The following KCNIP4 variants were observed in gnomAD, a reference collection of about 807,000 sequenced individuals.
KCNIP4 encodes the protein potassium voltage-gated channel interacting protein 4, also known as Kv channel-interacting protein 4.
A neutral mutation model predicts 34.0 loss-of-function variants in KCNIP4; 12 were observed. That is an observed-to-expected ratio of 0.35 (90% CI 0.23 to 0.57). The LOEUF is 0.57. KCNIP4 is among the 20% of genes least tolerant of loss of function. The pLI is 0.83. For missense variants in KCNIP4, 238 were observed against 311.7 expected, an observed-to-expected ratio of 0.76 and a Z score of 1.78; for synonymous variants, 124 against 102.2, an observed-to-expected ratio of 1.21 and a Z score of -1.29.
At chr4:21,860,245 T>C (rs909193388) in intron 1 of KCNIP4, among the ~76,000 whole-genome samples, 1 of 152,140 alleles carries the variant, frequency 6.6e-6, no homozygotes, top group African/African-American at 2.4e-5. Context: ...GCAATTCTTG[T>C]GCCTCAGCCT....
chr4:21,081,482 A>G (rs977805993), intron 1 of KCNIP4, among the ~76,000 whole-genome samples: 4 of 151,742 alleles, frequency 2.6e-5, no homozygotes, highest in African/African-American at 9.7e-5. Flanking sequence ...TAACTTCGGT[A>G]GTATGTTTTA....
chr4:21,801,864 T>C (rs760573474), intron 1 of KCNIP4, among the ~76,000 whole-genome samples: 6 of 150,908 alleles, frequency 4.0e-5, no homozygotes, highest in Non-Finnish European at 8.8e-5. Flanking sequence ...AGTGCCATAA[T>C]AAAACACCCT....
chr4:20,783,950 T>C (rs953922706), intron 3 of KCNIP4, among the ~76,000 whole-genome samples: 15 of 152,168 alleles, frequency 9.9e-5, no homozygotes, highest in African/African-American at 3.4e-4. Context: ...CTGGGTAGGC[T>C]CTGAGAATAC....
intron 2 of KCNIP4, among the ~76,000 whole-genome samples, chr4:20,867,915 G>C (rs1207890432): frequency 6.6e-6 from 1 of 151,940 alleles, no homozygotes; most frequent in East Asian, 1.9e-4. Context: ...AGCATTAGGA[G>C]ATATACCTAA....
chr4:21,449,049 C>T (rs1486554925), intron 1 of KCNIP4, among the ~76,000 whole-genome samples: 1 of 152,142 alleles, frequency 6.6e-6, no homozygotes, highest in Non-Finnish European at 1.5e-5. Flanking sequence ...AGAAAAATGG[C>T]AGTGGGCTTT....
intron 1 of KCNIP4, among the ~76,000 whole-genome samples, chr4:21,871,720 T>C (rs986359979): frequency 2.6e-5 from 4 of 151,968 alleles, no homozygotes; most frequent in African/African-American, 9.7e-5. Context: ...CACCCAGGTT[T>C]ATCTTCAGCA....
intron 1 of KCNIP4, among the ~76,000 whole-genome samples, chr4:20,934,712 A>C (rs1730866754): frequency 6.6e-6 from 1 of 152,228 alleles, no homozygotes; most frequent in South Asian, 2.1e-4. Flanking sequence ...AATAAGTAAA[A>C]AATATAAACA....
chr4:21,125,684 A>G (rs1320423237), intron 1 of KCNIP4, among the ~76,000 whole-genome samples: 1 of 152,160 alleles, frequency 6.6e-6, no homozygotes, highest in East Asian at 1.9e-4. Flanking sequence ...AAGGATGGCA[A>G]TGAGACTTTT....
At chr4:21,867,326 TA>T (rs958215421) in intron 1 of KCNIP4, among the ~76,000 whole-genome samples, 1 of 152,076 alleles carries the variant, frequency 6.6e-6, no homozygotes, top group Non-Finnish European at 1.5e-5. Flanking sequence ...TCACTTTTCA[TA>T]AAAAAATTTA....
At chr4:21,337,979 T>C (rs1716343107) in intron 1 of KCNIP4, among the ~76,000 whole-genome samples, 1 of 152,168 alleles carries the variant, frequency 6.6e-6, no homozygotes, top group Admixed American at 6.5e-5. Context: ...ACCGGCTCTA[T>C]GGTATCGCTA....
In KCNIP4 at chr4:21,529,226, T is replaced by G. The variant is rs767046315; in HGVS notation, c.61+419345A>C. Among the ~76,000 whole-genome samples, 63 of 152,134 alleles carry G rather than the reference T, an allele frequency of 4.1e-4. 1 individual carries two copies. The highest frequency in any genetic ancestry group is 2.1e-4 in the Non-Finnish European group (14 of 68,022). ...TGACCCCTACTATAGACAAATGGAT[T>G]AAGTTCAGCCCAGAATCAAGACAGA... On this transcript the variant is annotated intron_variant, in intron 1 of 8. Transcript: ENST00000382152.
Position 21,491,861 on chromosome 4 carries a change from GAA to G in KCNIP4, c.61+456708_61+456709del, listed in dbSNP as rs1205687161. Among the ~76,000 whole-genome samples, 4 of 152,218 alleles carry G rather than the reference GAA, an allele frequency of 2.6e-5. No individual in the cohort carries two copies. The East Asian group carries it at 5.8e-4, about 22-fold the overall frequency. On this transcript the variant is annotated intron_variant, in intron 1 of 8. Coordinates refer to ENST00000382152, the MANE Select transcript of KCNIP4 (RefSeq NM_025221.6). ...ATTAAGCTACCAGCAATTTAACAAT[GAA>G]AAACCCAGGGGAATATCTTAGATGC... is the stretch of plus-strand genomic sequence containing the variant.
chr4:21,689,517 C>T (rs1169203103), intron 1 of KCNIP4, among the ~76,000 whole-genome samples: 2 of 152,094 alleles, frequency 1.3e-5, no homozygotes, highest in Non-Finnish European at 2.9e-5. Flanking sequence ...TGTGCTGTTG[C>T]CTCTCAGAAA....
intron 1 of KCNIP4, among the ~76,000 whole-genome samples, chr4:21,372,959 T>C (rs1720625683): frequency 6.9e-6 from 1 of 145,940 alleles, no homozygotes; most frequent in Non-Finnish European, 1.5e-5. Flanking sequence ...ATGGTTGTGT[T>C]GATAGGATTT....
intron 1 of KCNIP4, among the ~76,000 whole-genome samples, chr4:21,070,037 C>T (rs573763088): frequency 4.6e-5 from 7 of 152,282 alleles, no homozygotes; most frequent in South Asian, 2.1e-4. Flanking sequence ...AACCTCGGAT[C>T]CAACTCGATA....
At chr4:21,539,733 C>A (rs1203509922) in intron 1 of KCNIP4, among the ~76,000 whole-genome samples, 1 of 152,062 alleles carries the variant, frequency 6.6e-6, no homozygotes, top group Non-Finnish European at 1.5e-5. Context: ...GTAATCCCAG[C>A]ACTTTGGGAG....
intron 1 of KCNIP4, among the ~76,000 whole-genome samples, chr4:21,423,796 T>G (rs182241911): frequency 7.3e-5 from 11 of 150,498 alleles, no homozygotes; most frequent in Middle Eastern, 3.5e-3. Context: ...TTGAGCCATA[T>G]GACTTATGAG....
chr4:20,889,766 T>TAA (rs199735267), intron 1 of KCNIP4, among the ~76,000 whole-genome samples: 1,887 of 119,344 alleles, frequency 0.016, 59 homozygotes, highest in East Asian at 0.15. Flanking sequence ...AACTGGAAGT[T>TAA]CAAAAAAAAA....
intron 3 of KCNIP4, among the ~76,000 whole-genome samples, chr4:20,768,726 C>T (rs1260748092): frequency 2.0e-5 from 3 of 152,166 alleles, no homozygotes; most frequent in Non-Finnish European, 4.4e-5. Context: ...ACTGAATATA[C>T]TCAACATGTT....
Sources: gnomAD v4.1 joint callset for allele counts (sites outside exome capture counted in the v4.1 genomes callset) on GRCh38, gnomAD v4.1.1 for gene constraint, MANE v1.5 for transcripts, NCBI Gene and HGNC (gene_info 2026-07-23, HGNC 2026-07-21) for gene names.